The following TMEM123 variants were observed in gnomAD, a reference collection of about 807,000 sequenced individuals.
TMEM123 encodes the protein transmembrane protein 123, also known as porimin.
A neutral mutation model predicts 19.7 loss-of-function variants in TMEM123; 16 were observed. That is an observed-to-expected ratio of 0.81 (90% confidence interval 0.55 to 1.23). The LOEUF (loss-of-function observed/expected upper bound fraction) is 1.23. Among genes scored for constraint, TMEM123 ranks in the 50% most tolerant of loss-of-function variants. The probability of loss-of-function intolerance (pLI) is 0.00; values close to 1 mark genes in which losing one functional copy is unlikely to be tolerated. For synonymous variants in TMEM123, 118 were observed against 99.4 expected, an observed-to-expected ratio of 1.19 and a Z score of -1.12; for missense variants, 313 against 257.8, an observed-to-expected ratio of 1.21 and a Z score of -1.47.
chr11:102,431,446 C>T (rs773012864), intron 2 of TMEM123, among the ~76,000 whole-genome samples: 2 of 152,122 alleles, frequency 1.3e-5, no homozygotes, highest in Non-Finnish European at 2.9e-5. Context: ...GTACCATACA[C>T]GATAAACTAT....
chr11:102,427,361 C>T (rs930625107), intron 2 of TMEM123, among the ~76,000 whole-genome samples: 1 of 151,654 alleles, frequency 6.6e-6, no homozygotes, highest in Admixed American at 6.6e-5. Context: ...GTAGCACATG[C>T]CCAAGGACTA....
chr11:102,439,210 A>C (rs1857798017), intron 2 of TMEM123, among the ~76,000 whole-genome samples: 1 of 152,118 alleles, frequency 6.6e-6, no homozygotes, highest in Admixed American at 6.5e-5. Flanking sequence ...CTGCAGACTT[A>C]AAACTTGCTT....
chr11:102,405,535 T>C (rs965268047), intron 2 of TMEM123, among the ~76,000 whole-genome samples: 1 of 152,196 alleles, frequency 6.6e-6, no homozygotes, highest in Non-Finnish European at 1.5e-5. Context: ...ATTAAAATAA[T>C]CACCTTTTAT....
At chr11:102,400,988 A>C (rs1004238912) in intron 4 of TMEM123, among the ~76,000 whole-genome samples, 5 of 152,262 alleles carry the variant, frequency 3.3e-5, no homozygotes, top group African/African-American at 9.6e-5. Context: ...CTACATGTAG[A>C]GTAAACATGG....
At chr11:102,406,787 C>T (rs1390863753) in intron 2 of TMEM123, among the ~76,000 whole-genome samples, 2 of 150,542 alleles carry the variant, frequency 1.3e-5, no homozygotes, top group Admixed American at 6.7e-5. Flanking sequence ...AGGAGAATGG[C>T]GTGAACCTGG....
intron 4 of TMEM123, among the ~76,000 whole-genome samples, chr11:102,399,366 G>A (rs935992547): frequency 6.6e-6 from 1 of 152,204 alleles, no homozygotes; most frequent in Non-Finnish European, 1.5e-5. Context: ...GATCACTTAA[G>A]CTCAGGAGGC....
intron 2 of TMEM123, among the ~76,000 whole-genome samples, chr11:102,406,935 G>T (rs1457971049): frequency 6.6e-6 from 1 of 151,870 alleles, no homozygotes; most frequent in Admixed American, 6.6e-5. Flanking sequence ...GTCACCAGTA[G>T]GGGGTGGAGC....
In TMEM123 at chr11:102,396,725, A is replaced by C. The variant is rs1411831293; in HGVS notation, c.*2142T>G. ...CAACAACAAAAAAACCTACATTCAA[A>C]GTACGGGTATTTGAAAGTAACAAAT... On this transcript the variant is annotated 3_prime_UTR_variant, in exon 5 of 5. Transcript: ENST00000398136. 6.6e-6 allele frequency: 1 copy of C among 152,232 alleles called. No homozygotes were observed. The highest frequency in any genetic ancestry group is 6.5e-5 in the Admixed American group (1 of 15,284). 9.4% of individuals were successfully genotyped at this position (152,232 alleles called of 1,614,324 possible).
At chr11:102,404,225 T>C (rs1951934966) in intron 2 of TMEM123, among the ~76,000 whole-genome samples, 1 of 152,200 alleles carries the variant, frequency 6.6e-6, no homozygotes, top group South Asian at 2.1e-4. Flanking sequence ...CTTCATATAT[T>C]ATCCTATCTT....
In TMEM123 at chr11:102,420,739, A is replaced by T. The variant is rs531724614; in HGVS notation, c.158-18533T>A. 9.2e-5 allele frequency among the ~76,000 whole-genome samples: 14 copies of T among 152,304 alleles called. No homozygotes were observed. The East Asian group carries it at 2.5e-3, about 27-fold the overall frequency. On this transcript the variant is annotated intron_variant, in intron 2 of 4. Transcript: ENST00000398136. ...GTGAATGTGTCAATGTTCCACTGTT[A>T]ACCTTTAACACATTGCTGACTAAGA...
intron 2 of TMEM123, among the ~76,000 whole-genome samples, chr11:102,402,417 A>G (rs1951922105): frequency 6.6e-6 from 1 of 152,076 alleles, no homozygotes; most frequent in Admixed American, 6.6e-5. Flanking sequence ...CTAAATTTAT[A>G]TAAAGTTAGA....
chr11:102,436,668 A>G (rs11607908), intron 2 of TMEM123, among the ~76,000 whole-genome samples: 6,972 of 148,078 alleles, frequency 0.047, 341 homozygotes, highest in Non-Finnish European at 0.078. Context: ...TAAGAACTTC[A>G]TACATCTGGG....
chr11:102,401,820 A>C, intron 3 of TMEM123, 96 bp downstream of exon 3: 1 of 1,511,082 alleles, frequency 6.6e-7, no homozygotes, highest in Non-Finnish European at 8.9e-7. Flanking sequence ...AGGCATATAA[A>C]GTTTCTATAT....
Position 102,401,549 on chromosome 11 carries a change from AC to A in TMEM123, c.591del (p.Tyr198IlefsTer4). On this transcript the variant is annotated frameshift_variant, in exon 4 of 5. Transcript: ENST00000398136. LOFTEE classifies it high-confidence loss of function. ...CCATTCAAAACTTACATGGTTCGAT[AC>A]CGAATGCCTCTTCTTGAGTAATACA... ...CKMYYSRRGIRYRTIDEHDAI... is the reference protein window; with the variant it reads ...CKMYYSRRGIXYRTIDEHDAI... The A allele has an allele frequency of 6.3e-7, 1 of 1,581,632 alleles. No individual in the cohort carries two copies. The highest frequency in any genetic ancestry group is 8.5e-7 in the Non-Finnish European group (1 of 1,171,588).
chr11:102,429,453 A>T (rs1952157151), intron 2 of TMEM123, among the ~76,000 whole-genome samples: 1 of 152,174 alleles, frequency 6.6e-6, no homozygotes. Flanking sequence ...ACTGAAAGGC[A>T]AGTTTTGGCG....
chr11:102,426,892 A>G (rs1952132914), intron 2 of TMEM123, among the ~76,000 whole-genome samples: 1 of 109,216 alleles, frequency 9.2e-6, no homozygotes, highest in African/African-American at 3.7e-5. Flanking sequence ...CTCAAAATCC[A>G]CAACTGGCTA....
intron 4 of TMEM123, among the ~76,000 whole-genome samples, chr11:102,399,583 T>C (rs1289524240): frequency 6.6e-6 from 1 of 152,218 alleles, no homozygotes; most frequent in Admixed American, 6.5e-5. Context: ...GCCATGCCAC[T>C]GTGAATGTGT....
At chr11:102,451,379 C>T (rs1461722173) in intron 1 of TMEM123, 1 of 152,110 alleles carries the variant, frequency 6.6e-6, no homozygotes, top group Admixed American at 6.5e-5. Flanking sequence ...ATTAGGTCTG[C>T]GAAGCCAGTT....
intron 2 of TMEM123, among the ~76,000 whole-genome samples, chr11:102,429,768 TC>T (rs1952159929): frequency 6.6e-6 from 1 of 152,220 alleles, no homozygotes; most frequent in South Asian, 2.1e-4. Flanking sequence ...TGCAATCAAA[TC>T]CAAACTCCCT....
Sources: gnomAD v4.1 joint callset for allele counts (sites outside exome capture counted in the v4.1 genomes callset) on GRCh38, gnomAD v4.1.1 for gene constraint, MANE v1.5 for transcripts, NCBI Gene and HGNC (gene_info 2026-07-23, HGNC 2026-07-21) for gene names.